The following FCHO1 variants were observed in gnomAD, a reference collection of about 807,000 sequenced individuals.
The protein encoded by FCHO1 is FCH and mu domain containing endocytic adaptor 1, also known as F-BAR domain only protein 1.
A neutral mutation model predicts 114.4 loss-of-function variants in FCHO1; 45 were observed. That is an observed-to-expected ratio of 0.39 (90% confidence interval 0.31 to 0.50). FCHO1 has a LOEUF of 0.50. FCHO1 is among the 20% of genes least tolerant of loss of function. The pLI is 0.77. For synonymous variants in FCHO1, 480 were observed against 488.9 expected, an observed-to-expected ratio of 0.98 and a Z score of 0.24; for missense variants, 1,042 against 1,209.6, an observed-to-expected ratio of 0.86 and a Z score of 2.06.
chr19:17,765,620 C>T (rs1424877109), intron 6 of FCHO1, among the ~76,000 whole-genome samples: 1 of 151,890 alleles, frequency 6.6e-6, no homozygotes, highest in African/African-American at 2.4e-5. Flanking sequence ...CTGCAGTGAG[C>T]CATGATTGTA....
Position 17,778,190 on chromosome 19 carries a change from C to T in FCHO1, c.1313C>T (p.Pro438Leu), listed in dbSNP as rs1231884171. 1 of 1,613,710 alleles carries T rather than the reference C, an allele frequency of 6.2e-7. No homozygotes were observed. The highest frequency in any genetic ancestry group is 2.2e-5 in the East Asian group (1 of 44,880). ...EEQVSKNLFG[P>L]PLESAFDHED... is the part of the protein sequence containing the mutation. ...CAGGTGTCCAAGAACCTCTTTGGGC[C>T]GCCCCTGGAGTCAGCCTTTGACCAC... Residue 438 changes from proline (P) to leucine (L), a missense_variant, in exon 19 of 29, where the codon CCG becomes CTG. By Grantham distance (98) the Pro-to-Leu change is moderately conservative. Around this residue, in one of 3 missense-constraint regions of FCHO1, gnomAD observed 455 missense variants for 455.4 expected, o/e 1.00. Transcript: ENST00000596536.
intron 5 of FCHO1, among the ~76,000 whole-genome samples, chr19:17,763,465 T>G (rs2087252007): frequency 6.6e-6 from 1 of 151,762 alleles, no homozygotes; most frequent in Non-Finnish European, 1.5e-5. Context: ...GGTTTCACTA[T>G]GTTGGCCAGG....
chr19:17,778,263 G>A, intron 19 of FCHO1, 35 bp downstream of exon 19: 1 of 1,559,302 alleles, frequency 6.4e-7, no homozygotes, highest in Non-Finnish European at 8.8e-7. Context: ...GCATGGGTGT[G>A]GCCGGAGGGA....
At chr19:17,768,202 G>A (rs978214619) in intron 7 of FCHO1, among the ~76,000 whole-genome samples, 3 of 152,096 alleles carry the variant, frequency 2.0e-5, no homozygotes, top group African/African-American at 7.2e-5. Flanking sequence ...CCAGGTAGTT[G>A]GGATTACAGG....
intron 4 of FCHO1, among the ~76,000 whole-genome samples, chr19:17,761,859 C>G (rs1024847915): frequency 1.3e-5 from 2 of 150,302 alleles, no homozygotes; most frequent in Non-Finnish European, 3.0e-5. Context: ...CAGGGTTTCT[C>G]CATGCTGGCC....
At position 17,772,520 on chromosome 19, in the gene FCHO1, C is replaced by T; in HGVS notation, c.658C>T (p.His220Tyr). Residue 220 changes from histidine to tyrosine, a missense_variant, in exon 10 of 29, where the codon CAC becomes TAC. This residue lies in a region of FCHO1 where 450 missense variants were observed against 564.1 expected (regional missense o/e 0.80). Transcript: ENST00000596536. ...HMKALLGSYA[H>Y]SVEDTHVQIG... ...GAAGGCACTGCTGGGCTCATATGCTCACTCGGTGGAGGACACGCACGTGCA... is the reference window on the plus strand; with the variant it reads ...GAAGGCACTGCTGGGCTCATATGCTTACTCGGTGGAGGACACGCACGTGCA... The T allele has an allele frequency of 6.2e-7, 1 of 1,614,130 alleles. No individual in the cohort carries two copies. The highest frequency in any genetic ancestry group is 2.2e-5 in the East Asian group (1 of 44,882).
Position 17,778,219 on chromosome 19 carries a change from G to T in FCHO1, c.1342G>T (p.Asp448Tyr), listed in dbSNP as rs377362897. 28 of 1,613,430 alleles carry T rather than the reference G, an allele frequency of 1.7e-5. No individual in the cohort carries two copies. In the African/African-American group the frequency reaches 3.1e-4, roughly 18 times the overall value. ...CCTGGAGTCAGCCTTTGACCACGAAGATTTTACAGGTGATGGGGATAAGGG... is the reference window on the plus strand; with the variant it reads ...CCTGGAGTCAGCCTTTGACCACGAATATTTTACAGGTGATGGGGATAAGGG... ...PPLESAFDHE[D>Y]FTGSSSLGFT... is the part of the protein sequence containing the mutation. The change falls in exon 19 of 29, where the codon GAT becomes TAT. Residue 448 changes from aspartate (D) to tyrosine (Y), a missense_variant. By Grantham distance (160) the Asp-to-Tyr change is radical (BLOSUM62 -3). This residue lies in a region of FCHO1 where 455 missense variants were observed against 455.4 expected (regional missense o/e 1.00). Coordinates refer to ENST00000596536, the MANE Select transcript of FCHO1 (RefSeq NM_015122.3).
At chr19:17,754,418 G>C (rs927382813) in intron 2 of FCHO1, 57 bp downstream of exon 2, 31 of 152,848 alleles carry the variant, frequency 2.0e-4, no homozygotes, top group Admixed American at 6.5e-4. Context: ...AATGCCAGCT[G>C]GGTCATCACA....
intron 8 of FCHO1, 76 bp downstream of exon 8, chr19:17,770,653 A>G (rs2091232844): frequency 1.3e-6 from 2 of 1,580,326 alleles, no homozygotes; most frequent in Non-Finnish European, 1.7e-6. Flanking sequence ...GTGGAAACAC[A>G]TCCCAGAGCG....
chr19:17,776,618 A>T lies in FCHO1; in HGVS notation c.1208-17A>T. ...GGCAGGGTGACAAGAAGGCTGAAGG[A>T]GGTGCATCTCTTGTAGGGGACGCTG... On this transcript the variant is annotated splice_polypyrimidine_tract_variant and intron_variant, in intron 17 of 28. Coordinates refer to ENST00000596536, the MANE Select transcript of FCHO1 (RefSeq NM_015122.3). This position sits in a 1 kb window ranked among gnomAD's most constrained non-coding sequence, Gnocchi z 4.4. The T allele has an allele frequency of 3.1e-6, 5 of 1,613,614 alleles. No individual in the cohort carries two copies. The highest frequency in any genetic ancestry group is 4.2e-6 in the Non-Finnish European group (5 of 1,179,742).
In FCHO1 at chr19:17,784,588, A is replaced by G. The variant is rs1445447588; in HGVS notation, c.2227-137A>G. The stretch of plus-strand genomic sequence containing the variant: ...GAAACCTGGTGTAATACAGCCTCTC[A>G]TCCATCAAATCTCCCTGTGACTGGA... On this transcript the variant is annotated intron_variant, in intron 25 of 28. Coordinates refer to ENST00000596536, the MANE Select transcript of FCHO1 (RefSeq NM_015122.3). This position sits in a 1 kb window ranked among gnomAD's most constrained non-coding sequence, Gnocchi z 5.3. 7.2e-6 allele frequency: 6 copies of G among 832,482 alleles called. No homozygotes were observed. The East Asian group carries it at 7.3e-5, about 10-fold the overall frequency. 51.6% of individuals were successfully genotyped at this position (832,482 alleles called of 1,614,324 possible). A position where few individuals can be genotyped will look rare whatever the true frequency, so the allele number is the denominator to read the frequency against.
chr19:17,757,784 C>T (rs1318597333), intron 4 of FCHO1, among the ~76,000 whole-genome samples: 4 of 151,746 alleles, frequency 2.6e-5, no homozygotes, highest in African/African-American at 4.8e-5. Context: ...GGTGTGGTGG[C>T]GCGCACCTGT....
chr19:17,765,528 C>T (rs914008800), intron 6 of FCHO1, among the ~76,000 whole-genome samples: 2 of 151,870 alleles, frequency 1.3e-5, no homozygotes, highest in Non-Finnish European at 2.9e-5. Context: ...CAAAAATTAG[C>T]CGGGCATGGT....
In FCHO1 at chr19:17,751,844, T is replaced by C. The variant is rs532657784; in HGVS notation, c.-183+267T>C. On this transcript the variant is annotated intron_variant, in intron 1 of 28. Coordinates refer to ENST00000596536, the MANE Select transcript of FCHO1 (RefSeq NM_015122.3). This position sits in a 1 kb window ranked among gnomAD's most constrained non-coding sequence, Gnocchi z 4.4. ...CGTGATGGTTTCAAACAGGAGGTCA[T>C]TGGCAGACAGACCAGGGGCAAAATC... Among the ~76,000 whole-genome samples, 27 of 152,354 alleles carry C rather than the reference T, an allele frequency of 1.8e-4. No homozygotes were observed. In the South Asian group the frequency reaches 3.3e-3, roughly 19 times the overall value.
intron 6 of FCHO1, 198 bp from the exon 7 acceptor site, chr19:17,766,471 A>G (rs1290563124): frequency 6.7e-6 from 4 of 600,152 alleles, no homozygotes; most frequent in East Asian, 5.9e-5. Flanking sequence ...CCTTGGGAGG[A>G]GCTATAGAGC....
At chr19:17,766,912 C>T (rs1000863630) in intron 7 of FCHO1, 102 bp downstream of exon 7, 2 of 1,240,344 alleles carry the variant, frequency 1.6e-6, no homozygotes, top group Non-Finnish European at 1.1e-6. Context: ...GGATGTCCGC[C>T]TCCGAGAATT....
In FCHO1 at chr19:17,781,506, G is replaced by C; in HGVS notation, c.1795G>C (p.Glu599Gln). ...CTCTTCAGCCGCCAGCACTGCCTTG[G>C]AACGGCCCAGCTTCTTATCCCAGAC... ...LGSSAASTAL[E>Q]RPSFLSQTGH... is the part of the protein sequence containing the mutation. The change falls in exon 22 of 29, where the codon GAA becomes CAA. Residue 599 changes from glutamate to glutamine, a missense_variant. This residue lies in a region of FCHO1 where 455 missense variants were observed against 455.4 expected (regional missense o/e 1.00). Transcript: ENST00000596536. The C allele has an allele frequency of 6.2e-7, 1 of 1,614,022 alleles. No individual in the cohort carries two copies. The highest frequency in any genetic ancestry group is 8.5e-7 in the Non-Finnish European group (1 of 1,180,006).
rs1476388245 is a variant in FCHO1, at chr19:17,766,725, G to A, written c.251G>A (p.Cys84Tyr). 1 of 1,614,172 alleles carries A rather than the reference G, an allele frequency of 6.2e-7. No individual in the cohort carries two copies. Among genetic ancestry groups the A allele is most frequent in the East Asian group, 2.2e-5 (1 of 44,876 alleles). Residue 84 changes from cysteine to tyrosine, a missense_variant, in exon 7 of 29, where the codon TGC (cysteine) becomes TAC (tyrosine). Cys to Tyr is a radical substitution (Grantham distance 194). Coordinates refer to ENST00000596536, the MANE Select transcript of FCHO1 (RefSeq NM_015122.3). ...FRVSSDKLAL[C>Y]HLELTRKLQD... ...GTCTCCTCGGACAAGCTGGCGCTGTGCCACCTGGAACTGACACGGAAGTTA... is the reference window on the plus strand; with the variant it reads ...GTCTCCTCGGACAAGCTGGCGCTGTACCACCTGGAACTGACACGGAAGTTA...
Position 17,766,915 on chromosome 19 carries a change from C to CGAGA in FCHO1, c.336+106_336+109dup, listed in dbSNP as rs2089432820. The CGAGA allele has an allele frequency of 1.0e-5, 12 of 1,204,000 alleles. No homozygotes were observed. In the Admixed American group the frequency reaches 3.1e-4, roughly 31 times the overall value. The allele number at this position is 1,204,000 out of a possible 1,614,324, so 74.6% of individuals were successfully genotyped here. A position where few individuals can be genotyped will look rare whatever the true frequency, so the allele number is the denominator to read the frequency against. On this transcript the variant is annotated intron_variant, in intron 7 of 28. Transcript: ENST00000596536. ...TTTATAACCTGCGGATGTCCGCCTC[C>CGAGA]GAGAATTCCGTTAATTCCACAACGT...
Sources: allele counts gnomAD v4.1 joint callset (sites outside exome capture counted in the v4.1 genomes callset), GRCh38; gene constraint gnomAD v4.1.1; regional missense constraint gnomAD v4.1.1; non-coding constraint Gnocchi (gnomAD v3.1); transcripts MANE v1.5; gene names NCBI Gene and HGNC (gene_info 2026-07-23, HGNC 2026-07-21).